The following ATP10B variants were observed in gnomAD, a reference collection of about 807,000 sequenced individuals.
ATP10B encodes the protein phospholipid-transporting ATPase VB.
ATP10B carries 122 observed loss-of-function variants against 141.2 expected under a neutral mutation model. The ratio of observed to expected loss-of-function variants is 0.86; its 90% confidence interval spans 0.75 to 1.00. The LOEUF is 1.00. Among genes scored for constraint, ATP10B ranks in the 50% least tolerant of loss-of-function variants. The pLI, the probability that ATP10B is intolerant of heterozygous loss-of-function variation, is 0.00. For synonymous variants in ATP10B, 685 were observed against 692.0 expected, an observed-to-expected ratio of 0.99 and a Z score of 0.16; for missense variants, 1,876 against 1,825.3, an observed-to-expected ratio of 1.03 and a Z score of -0.51.
At chr5:160,826,229 C>T (rs1383504268) in intron 1 of ATP10B, among the ~76,000 whole-genome samples, 4 of 152,104 alleles carry the variant, frequency 2.6e-5, no homozygotes, top group Non-Finnish European at 4.4e-5. Context: ...TGAGCAATCT[C>T]CAAACTGCTT....
chr5:160,651,112 G>A (rs896593448), intron 7 of ATP10B, among the ~76,000 whole-genome samples: 9 of 152,102 alleles, frequency 5.9e-5, no homozygotes, highest in Non-Finnish European at 8.8e-5. Flanking sequence ...CAAGCTTACC[G>A]TCATTCTATG....
the ATP10B span, among the ~76,000 whole-genome samples, chr5:160,887,157 TGGA>T: frequency 6.6e-6 from 1 of 152,230 alleles, no homozygotes; most frequent in Non-Finnish European, 1.5e-5. Context: ...CCAGTATCTG[TGGA>T]GGATTGGTCC....
At chr5:160,797,489 A>G (rs1409046505) in intron 1 of ATP10B, among the ~76,000 whole-genome samples, 1 of 152,096 alleles carries the variant, frequency 6.6e-6, no homozygotes, top group Non-Finnish European at 1.5e-5. Flanking sequence ...ATTTGTTTCC[A>G]CTGCCGATCT....
At chr5:160,806,617 A>T (rs769780352) in intron 1 of ATP10B, among the ~76,000 whole-genome samples, 7 of 152,236 alleles carry the variant, frequency 4.6e-5, no homozygotes, top group Non-Finnish European at 1.0e-4. Flanking sequence ...GATAGGAACA[A>T]CAACAATGAT....
At chr5:160,677,493 C>T (rs565545087) in intron 6 of ATP10B, among the ~76,000 whole-genome samples, 7 of 152,168 alleles carry the variant, frequency 4.6e-5, no homozygotes, top group African/African-American at 7.2e-5. Context: ...GAGTCCTCCC[C>T]GAGGCCCATT....
chr5:160,816,661 C>T (rs1773659162), intron 1 of ATP10B, among the ~76,000 whole-genome samples: 1 of 152,162 alleles, frequency 6.6e-6, no homozygotes, highest in African/African-American at 2.4e-5. Context: ...ATGAGGCCAG[C>T]ATCATCCTGA....
intron 2 of ATP10B, among the ~76,000 whole-genome samples, chr5:160,740,259 T>C (rs1054005382): frequency 2.6e-5 from 4 of 152,224 alleles, no homozygotes; most frequent in African/African-American, 9.6e-5. Flanking sequence ...TCAAAATTAA[T>C]TTTGACCAAC....
At chr5:160,775,174 C>T (rs974816260) in intron 2 of ATP10B, among the ~76,000 whole-genome samples, 16 of 152,322 alleles carry the variant, frequency 1.1e-4, no homozygotes, top group African/African-American at 3.8e-4. Context: ...CCCTGGCCTA[C>T]GTCTCCCCAG....
intron 1 of ATP10B, among the ~76,000 whole-genome samples, chr5:160,818,784 T>G (rs1199634818): frequency 6.6e-6 from 1 of 152,038 alleles, no homozygotes; most frequent in Admixed American, 6.6e-5. Context: ...ATTAAGAAAA[T>G]GTGGCACATG....
At chr5:160,687,069 T>C (rs1763801492) in intron 5 of ATP10B, 1 of 450,626 alleles carries the variant, frequency 2.2e-6, no homozygotes, top group Non-Finnish European at 2.9e-6. Flanking sequence ...TTCACTCAGG[T>C]AATGCAGTCT....
rs1447187800 is a variant in ATP10B, at chr5:160,807,213, T to G, written c.-575-21410A>C. Among the ~76,000 whole-genome samples the G allele has an allele frequency of 7.9e-5, 12 of 152,334 alleles. No individual in the cohort carries two copies. In the South Asian group the frequency reaches 2.3e-3, roughly 29 times the overall value. On this transcript the variant is annotated intron_variant, in intron 1 of 25. Transcript: ENST00000327245. ...GCAAAAATAAAATTTACATGTATGT[T>G]TATAAATGCATGAAGTTTGCTGGTA...
the ATP10B span, among the ~76,000 whole-genome samples, chr5:160,905,644 A>G: frequency 6.6e-6 from 1 of 152,184 alleles, no homozygotes; most frequent in Non-Finnish European, 1.5e-5. Context: ...AGTAAAAAAG[A>G]TCATTTATAT....
chr5:160,571,673 T>G (rs1365565861), intron 24 of ATP10B, among the ~76,000 whole-genome samples: 1 of 152,116 alleles, frequency 6.6e-6, no homozygotes, highest in Non-Finnish European at 1.5e-5. Context: ...ATTGTGTACA[T>G]CTGCATATGC....
intron 1 of ATP10B, among the ~76,000 whole-genome samples, chr5:160,836,031 G>A (rs1360299810): frequency 1.3e-5 from 2 of 152,068 alleles, no homozygotes; most frequent in African/African-American, 4.8e-5. Flanking sequence ...CTCACTCACA[G>A]GTGGAAGCTA....
chr5:160,909,795 G>A, the ATP10B span, among the ~76,000 whole-genome samples: 7 of 152,128 alleles, frequency 4.6e-5, no homozygotes, highest in African/African-American at 1.7e-4. Flanking sequence ...GAAAGAACTC[G>A]GGAAAAATCA....
intron 22 of ATP10B, 139 bp from the exon 23 acceptor site, chr5:160,591,278 A>G (rs1307172191): frequency 6.2e-6 from 4 of 645,080 alleles, no homozygotes; most frequent in South Asian, 2.1e-5. Flanking sequence ...AGAATGGAGT[A>G]ATTAGGAGTG....
At chr5:160,900,908 G>GTTTTTTTTTTTTTT in the ATP10B span, among the ~76,000 whole-genome samples, 1 of 88,954 alleles carries the variant, frequency 1.1e-5, no homozygotes, top group African/African-American at 4.2e-5. Flanking sequence ...GGGTAGAGAA[G>GTTTTTTTTTTTTTT]TTTTTTTTTT....
chr5:160,644,310 T>C, intron 8 of ATP10B, 66 bp from the exon 9 acceptor site: 1 of 1,098,984 alleles, frequency 9.1e-7, no homozygotes, highest in Non-Finnish European at 1.4e-6. Context: ...CTGGGTACTG[T>C]CACAGAACTA....
At chr5:160,887,338 T>C in the ATP10B span, among the ~76,000 whole-genome samples, 1 of 152,162 alleles carries the variant, frequency 6.6e-6, no homozygotes, top group Non-Finnish European at 1.5e-5. Flanking sequence ...TTGTTATACA[T>C]TATTGTTTAG....
Sources: gnomAD v4.1 joint callset for allele counts (sites outside exome capture counted in the v4.1 genomes callset) on GRCh38, gnomAD v4.1.1 for gene constraint, MANE v1.5 for transcripts, NCBI Gene and HGNC (gene_info 2026-07-23, HGNC 2026-07-21) for gene names.